NCOR2: variants seen among roughly 807,000 people sequenced by gnomAD.
NCOR2 encodes the protein CTG repeat protein 26.
Under a neutral mutation model 262.9 loss-of-function variants are expected in NCOR2, and 81 were observed. The ratio of observed to expected loss-of-function variants is 0.31; its 90% CI spans 0.26 to 0.37. NCOR2 has a LOEUF of 0.37. NCOR2 is among the 10% of genes least tolerant of loss of function. The pLI, the probability that NCOR2 is intolerant of heterozygous loss-of-function variation, is 1.00. For synonymous variants in NCOR2, 1,659 were observed against 1,559.3 expected (o/e 1.06, Z -1.51); for missense variants, 3,385 against 3,621.4 (o/e 0.93, Z 1.68).
chr12:124,429,740 T>C (rs1825919559), intron 9 of NCOR2, 34 bp from the exon 12 acceptor site: 1 of 1,525,776 alleles, frequency 6.6e-7, no homozygotes, highest in Admixed American at 1.9e-5. Flanking sequence ...AGGACCGGTC[T>C]TCTGGTGGTC....
At chr12:124,507,711 A>AG (rs1487940522) in intron 1 of NCOR2, among the ~76,000 whole-genome samples, 2 of 152,198 alleles carry the variant, frequency 1.3e-5, no homozygotes, top group Non-Finnish European at 2.9e-5. Flanking sequence ...ACTGCTTCAG[A>AG]GGGGCCCCTG....
intron 16 of NCOR2, chr12:124,388,535 G>A: frequency 1.3e-6 from 1 of 782,178 alleles, no homozygotes; most frequent in Non-Finnish European, 1.8e-6. Flanking sequence ...AGAGGGCATG[G>A]GGGAAAGGAT....
chr12:124,412,945 C>A (rs558334189), intron 13 of NCOR2, among the ~76,000 whole-genome samples: 6 of 152,360 alleles, frequency 3.9e-5, no homozygotes, highest in African/African-American at 1.4e-4. Context: ...GAGGGCACAG[C>A]CCCAGGATGC....
At chr12:124,540,240 G>T (rs76497469), upstream of NCOR2, among the ~76,000 whole-genome samples, 9,459 of 150,242 alleles carry the variant, frequency 0.063, 366 homozygotes, top group African/African-American at 0.1. Context: ...GGGAGGGCAG[G>T]GAGGGCCCCC....
At chr12:124,536,529 G>GTA (rs1262866474), upstream of NCOR2, among the ~76,000 whole-genome samples, 1 of 152,130 alleles carries the variant, frequency 6.6e-6, no homozygotes, top group African/African-American at 2.4e-5. Flanking sequence ...TCACCAAAGA[G>GTA]TACATACACA....
At chr12:124,449,990 G>A (rs2045418718) in intron 6 of NCOR2, 123 bp from the exon 9 acceptor site, 2 of 969,912 alleles carry the variant, frequency 2.1e-6, no homozygotes, top group East Asian at 2.6e-5. Flanking sequence ...CTCAGCCGCA[G>A]GCAGGCATGA....
upstream of NCOR2, among the ~76,000 whole-genome samples, chr12:124,499,106 CTTT>C (rs1481199242): frequency 6.6e-6 from 1 of 152,228 alleles, no homozygotes; most frequent in Non-Finnish European, 1.5e-5. Context: ...TAAGCTTTGA[CTTT>C]TCATCAGCAG....
chr12:124,325,376 C>CA (rs2034531841), exon 47 of NCOR2: 8 of 426,512 alleles, frequency 1.9e-5, no homozygotes, highest in African/African-American at 8.4e-5. Flanking sequence ...GACCTGACAC[C>CA]GCCCCCCCCC....
At chr12:124,507,280 C>A (rs2049101688) in intron 1 of NCOR2, among the ~76,000 whole-genome samples, 1 of 152,206 alleles carries the variant, frequency 6.6e-6, no homozygotes, top group Admixed American at 6.5e-5. Flanking sequence ...GGTTGCTAAA[C>A]AATATGGCTA....
chr12:124,491,846 T>G (rs2048097001), intron 1 of NCOR2, among the ~76,000 whole-genome samples: 1 of 152,172 alleles, frequency 6.6e-6, no homozygotes, highest in Admixed American at 6.5e-5. Flanking sequence ...CATAGGATCC[T>G]GCTACTGTCA....
intron 33 of NCOR2, among the ~76,000 whole-genome samples, chr12:124,342,483 C>T (rs1237244370): frequency 6.6e-6 from 1 of 152,166 alleles, no homozygotes; most frequent in African/African-American, 2.4e-5. Flanking sequence ...CATTCTCCTG[C>T]CTCAGCCTCC....
upstream of NCOR2, chr12:124,538,629 C>T (rs78682792): frequency 0.082 from 12,600 of 152,806 alleles, 704 homozygotes; most frequent in East Asian, 0.15. Flanking sequence ...CCGTGGAGCG[C>T]GGGTGAGGGC....
rs575904825 is a variant in NCOR2, at chr12:124,470,563, T to C, written c.591+2389A>G. On this transcript the variant is annotated intron_variant, in intron 4 of 46. Coordinates refer to ENST00000405201, the Ensembl canonical transcript of NCOR2. ...GACAACATGATAAACTCCAAAACCA[T>C]GACACTATGTGGAAGAAGCCAGAAA... 2.0e-5 allele frequency among the ~76,000 whole-genome samples: 3 copies of C among 152,280 alleles called. No homozygotes were observed. In the South Asian group the frequency reaches 6.2e-4, roughly 32 times the overall value.
chr12:124,352,329 A>G (rs965492691), intron 27 of NCOR2, among the ~76,000 whole-genome samples: 2 of 152,108 alleles, frequency 1.3e-5, no homozygotes, highest in East Asian at 1.9e-4. Context: ...TGAACACCAC[A>G]ATAAATGATT....
At chr12:124,349,554 A>T (rs909428255) in intron 28 of NCOR2, among the ~76,000 whole-genome samples, 23 of 152,118 alleles carry the variant, frequency 1.5e-4, no homozygotes, top group Non-Finnish European at 3.2e-4. Flanking sequence ...CGGCGTGAGC[A>T]GGCACCACAG....
At position 124,523,645 on chromosome 12, in the gene NCOR2, A is replaced by C. The variant is rs945624068; in HGVS notation, c.-118+11920T>G. On this transcript the variant is annotated intron_variant, in intron 1 of 46. Transcript: ENST00000404621. This position sits in a 1 kb window ranked among gnomAD's most constrained non-coding sequence, Gnocchi z 4.0. ...ACCATAGCTGATGAACTAAAAAAAA[A>C]AAAAACAAAAAACCGAAAAACAATC... 1.4e-5 allele frequency among the ~76,000 whole-genome samples: 2 copies of C among 142,708 alleles called. No individual in the cohort carries two copies. The highest frequency in any genetic ancestry group is 2.9e-5 in the Non-Finnish European group (2 of 67,896). The allele number at this position is 142,708 out of a possible 152,430, so 93.6% of individuals were successfully genotyped here. A position where few individuals can be genotyped will look rare whatever the true frequency, so the allele number is the denominator to read the frequency against.
At chr12:124,333,981 C>CGGGTGTGCATGTGTGTGCGCATGTGTGT in intron 41 of NCOR2, among the ~76,000 whole-genome samples, 1 of 148,292 alleles carries the variant, frequency 6.7e-6, no homozygotes, top group Non-Finnish European at 1.5e-5. Context: ...CGCATGTGTG[C>CGGGTGTGCATGTGTGTGCGCATGTGTGT]GGGTGTGCAT....
chr12:124,495,356 C>T, upstream of NCOR2: 1 of 1,449,398 alleles, frequency 6.9e-7, no homozygotes. The surrounding 1 kb of genome is among the most constrained non-coding windows in gnomAD (Gnocchi z 4.4). Context: ...ACGGGCCACC[C>T]CGTCACTGGC....
intron 13 of NCOR2, among the ~76,000 whole-genome samples, chr12:124,411,962 G>GC: frequency 6.6e-6 from 1 of 152,336 alleles, no homozygotes; most frequent in East Asian, 1.9e-4. Context: ...CTATGCCCGG[G>GC]CCTGCATCCC....
Sources: allele counts gnomAD v4.1 joint callset (sites outside exome capture counted in the v4.1 genomes callset), GRCh38; gene constraint gnomAD v4.1.1; non-coding constraint Gnocchi (gnomAD v3.1); transcripts MANE v1.5; gene names NCBI Gene and HGNC (gene_info 2026-07-23, HGNC 2026-07-21).